Variants in MDGA2 observed in about 807,000 individuals in gnomAD.
The protein encoded by MDGA2 is MAM domain-containing glycosylphosphatidylinositol anchor protein 2.
Under a neutral mutation model 117.8 loss-of-function variants are expected in MDGA2, and 40 were observed. The observed-to-expected ratio is 0.34, with a 90% CI of 0.26 to 0.44. The LOEUF (loss-of-function observed/expected upper bound fraction) is 0.44. Ranked by LOEUF, MDGA2 falls within the 20% of genes least tolerant of loss-of-function variation. MDGA2 has a pLI of 1.00. For missense variants in MDGA2, 1,123 were observed against 1,250.6 expected (o/e 0.90, Z 1.54); for synonymous variants, 452 against 439.0 (o/e 1.03, Z -0.37).
chr14:47,215,344 A>T (rs996042246), intron 3 of MDGA2, among the ~76,000 whole-genome samples: 2 of 152,140 alleles, frequency 1.3e-5, no homozygotes, highest in African/African-American at 2.4e-5. Context: ...TAAGGATTAT[A>T]ATTCAATTTT....
intron 2 of MDGA2, among the ~76,000 whole-genome samples, chr14:47,256,914 AAAAG>A (rs1389882943): frequency 2.0e-5 from 3 of 151,782 alleles, no homozygotes; most frequent in African/African-American, 7.3e-5. Flanking sequence ...GAAAGAAAGA[AAAAG>A]AAAGAGGAAT....
chr14:47,590,925 T>C (rs1341114029), intron 1 of MDGA2, among the ~76,000 whole-genome samples: 4 of 152,150 alleles, frequency 2.6e-5, no homozygotes, highest in East Asian at 3.9e-4. Context: ...TAATTTTCCA[T>C]TGACTTCACA....
intron 1 of MDGA2, among the ~76,000 whole-genome samples, chr14:47,520,618 A>G (rs1434937210): frequency 1.3e-5 from 2 of 152,226 alleles, no homozygotes; most frequent in African/African-American, 2.4e-5. Flanking sequence ...AGAACACAGA[A>G]CAGGAGAAAG....
chr14:47,175,788 A>G, intron 3 of MDGA2, among the ~76,000 whole-genome samples: 1 of 146,772 alleles, frequency 6.8e-6, no homozygotes, highest in Non-Finnish European at 1.5e-5. Context: ...TAGTGTTGGA[A>G]GTTCTGGTCA....
chr14:47,103,117 C>T (rs1189754928), intron 5 of MDGA2, among the ~76,000 whole-genome samples: 3 of 152,128 alleles, frequency 2.0e-5, no homozygotes, highest in Non-Finnish European at 4.4e-5. Flanking sequence ...ATTAAGTTTC[C>T]GCTTCTGTTC....
chr14:47,275,972 G>C (rs758734760), intron 2 of MDGA2, among the ~76,000 whole-genome samples: 60 of 152,016 alleles, frequency 3.9e-4, no homozygotes, highest in Non-Finnish European at 7.1e-4. Flanking sequence ...AAAATTCAAG[G>C]GTTTGACTAG....
At chr14:46,846,878 C>T (rs1880862034) in intron 15 of MDGA2, among the ~76,000 whole-genome samples, 1 of 152,034 alleles carries the variant, frequency 6.6e-6, no homozygotes, top group Non-Finnish European at 1.5e-5. Context: ...TGGTAATGTG[C>T]TTTATTAATA....
chr14:47,079,921 C>T (rs545361536), intron 6 of MDGA2, among the ~76,000 whole-genome samples: 24 of 151,688 alleles, frequency 1.6e-4, no homozygotes, highest in South Asian at 1.0e-3. Flanking sequence ...TTAGTAGAGA[C>T]GGGGTTTCAC....
intron 1 of MDGA2, among the ~76,000 whole-genome samples, chr14:47,488,530 A>T (rs1894105365): frequency 6.6e-6 from 1 of 152,114 alleles, no homozygotes; most frequent in South Asian, 2.1e-4. Flanking sequence ...ATTTTAAGGG[A>T]TATATGTTGA....
intron 1 of MDGA2, among the ~76,000 whole-genome samples, chr14:47,563,052 T>G (rs1287100738): frequency 6.6e-6 from 1 of 152,182 alleles, no homozygotes; most frequent in African/African-American, 2.4e-5. Flanking sequence ...TTGAGTCATT[T>G]TTTTAGTATC....
chr14:47,101,308 T>C (rs1417139765), intron 5 of MDGA2, among the ~76,000 whole-genome samples: 1 of 152,154 alleles, frequency 6.6e-6, no homozygotes, highest in Non-Finnish European at 1.5e-5. Context: ...AGAAAGTATA[T>C]TTTAGAAAAT....
intron 3 of MDGA2, among the ~76,000 whole-genome samples, chr14:47,197,902 C>G (rs746763413): frequency 2.6e-5 from 4 of 152,106 alleles, no homozygotes; most frequent in Non-Finnish European, 4.4e-5. Flanking sequence ...GAGCTAGACT[C>G]TGTCTCAAAA....
At chr14:47,066,386 T>C (rs185159494) in intron 6 of MDGA2, among the ~76,000 whole-genome samples, 13 of 152,358 alleles carry the variant, frequency 8.5e-5, no homozygotes, top group Admixed American at 8.5e-4. Flanking sequence ...TGCAGTCTTG[T>C]GTTCTGAGAT....
At chr14:47,212,417 TATTA>T (rs1046611254) in intron 3 of MDGA2, among the ~76,000 whole-genome samples, 18 of 152,182 alleles carry the variant, frequency 1.2e-4, no homozygotes, top group Non-Finnish European at 2.6e-4. Context: ...ATCTGTACTT[TATTA>T]ATTTTTTAAA....
chr14:46,966,791 C>A (rs1423742551), intron 8 of MDGA2, among the ~76,000 whole-genome samples: 2 of 145,070 alleles, frequency 1.4e-5, no homozygotes, highest in Non-Finnish European at 3.1e-5. Flanking sequence ...CTCAAGATGT[C>A]CAGCAAGGTT....
intron 10 of MDGA2, among the ~76,000 whole-genome samples, chr14:46,902,351 C>A (rs1227832553): frequency 6.6e-6 from 1 of 152,008 alleles, no homozygotes; most frequent in Non-Finnish European, 1.5e-5. Context: ...ATATATGGAA[C>A]CCACATTCTA....
chr14:47,348,218 A>T (rs548113650), intron 1 of MDGA2, among the ~76,000 whole-genome samples: 315 of 138,104 alleles, frequency 2.3e-3, no homozygotes, highest in Middle Eastern at 7.5e-3. Flanking sequence ...AAATCCTTAA[A>T]TTTTTTTTTT....
chr14:47,575,519 C>T (rs560974248), intron 1 of MDGA2, among the ~76,000 whole-genome samples: 2 of 152,180 alleles, frequency 1.3e-5, no homozygotes, highest in African/African-American at 2.4e-5. Context: ...ATTGACTGGC[C>T]GAACATGCTG....
At chr14:47,326,043 C>T (rs991596313) in intron 1 of MDGA2, among the ~76,000 whole-genome samples, 2 of 152,012 alleles carry the variant, frequency 1.3e-5, no homozygotes, top group Admixed American at 6.6e-5. Context: ...AGACATTAAT[C>T]TAAGATGACA....
Sources: allele counts gnomAD v4.1 joint callset (sites outside exome capture counted in the v4.1 genomes callset), GRCh38; gene constraint gnomAD v4.1.1; transcripts MANE v1.5; gene names NCBI Gene and HGNC (gene_info 2026-07-23, HGNC 2026-07-21).